HFM1: variants seen among roughly 807,000 people sequenced by gnomAD.
HFM1 encodes probable ATP-dependent DNA helicase HFM1.
Under a neutral mutation model 192.1 loss-of-function variants are expected in HFM1, and 169 were observed. The observed-to-expected ratio is 0.88, with a 90% confidence interval of 0.78 to 1.00. The LOEUF is 1.00. HFM1 is among the 50% of genes least tolerant of loss of function. The pLI is 0.00. For synonymous variants in HFM1, 525 were observed against 537.8 expected (o/e 0.98, Z 0.33); for missense variants, 1,661 against 1,668.0 (o/e 1.00, Z 0.07).
At chr1:91,289,084 A>C (rs1237320272) in intron 30 of HFM1, among the ~76,000 whole-genome samples, 1 of 150,528 alleles carries the variant, frequency 6.6e-6, no homozygotes, top group Admixed American at 6.6e-5. Context: ...TGCCGGGCGG[A>C]GACACTCCTC....
intron 25 of HFM1, 80 bp downstream of exon 25, chr1:91,318,998 T>C (rs1651667065): frequency 4.4e-6 from 6 of 1,369,926 alleles, no homozygotes; most frequent in Non-Finnish European, 6.0e-6. Context: ...TCTGTAATCA[T>C]CACAGAATAA....
At chr1:91,328,797 A>T in intron 20 of HFM1, 1 of 1,611,192 alleles carries the variant, frequency 6.2e-7, no homozygotes, top group African/African-American at 1.3e-5. Context: ...CAGCACAACG[A>T]TAAGTGCAAA....
intron 31 of HFM1, 29 bp from the exon 32 acceptor site, chr1:91,276,772 G>T: frequency 2.7e-6 from 3 of 1,096,196 alleles, no homozygotes; most frequent in South Asian, 1.6e-5. Flanking sequence ...GATTCTTTAG[G>T]TTAAACTTCA....
intron 36 of HFM1, among the ~76,000 whole-genome samples, chr1:91,263,243 T>A: frequency 6.6e-6 from 1 of 152,164 alleles, no homozygotes; most frequent in Non-Finnish European, 1.5e-5. Flanking sequence ...AGCCCATTTT[T>A]AAAAGATGAT....
chr1:91,359,011 C>T (rs1335297206), intron 13 of HFM1, among the ~76,000 whole-genome samples: 11 of 152,110 alleles, frequency 7.2e-5, no homozygotes, highest in African/African-American at 1.9e-4. Flanking sequence ...CAGCAAACTG[C>T]GGCAGCTCTA....
intron 18 of HFM1, among the ~76,000 whole-genome samples, chr1:91,347,682 C>A (rs1656322945): frequency 6.6e-6 from 1 of 152,092 alleles, no homozygotes; most frequent in African/African-American, 2.4e-5. Flanking sequence ...GAATAAATTT[C>A]CAAATGTTTT....
intron 36 of HFM1, 32 bp from the exon 37 acceptor site, chr1:91,262,624 C>T (rs753068942): frequency 2.3e-5 from 30 of 1,300,696 alleles, no homozygotes; most frequent in East Asian, 9.5e-5. Flanking sequence ...TTGTAAAATA[C>T]GGCAAACAAG....
At chr1:91,264,086 T>C (rs1665437168) in intron 36 of HFM1, among the ~76,000 whole-genome samples, 1 of 152,056 alleles carries the variant, frequency 6.6e-6, no homozygotes, top group Non-Finnish European at 1.5e-5. Flanking sequence ...TTTAAGCAAA[T>C]GTTTTAAAAA....
intron 6 of HFM1, among the ~76,000 whole-genome samples, chr1:91,382,274 G>C (rs1005001978): frequency 2.0e-5 from 3 of 151,914 alleles, no homozygotes; most frequent in Non-Finnish European, 4.4e-5. Context: ...AATTTAACCC[G>C]CTTACCCTGC....
At chr1:91,399,479 A>C (rs1276713220) in intron 2 of HFM1, among the ~76,000 whole-genome samples, 1 of 152,200 alleles carries the variant, frequency 6.6e-6, no homozygotes, top group Non-Finnish European at 1.5e-5. Context: ...CCCACAGTGA[A>C]TTATATCCAA....
rs199692136 is a variant in HFM1 at position 91,385,187 on chromosome 1, G to A, written c.802C>T (p.Pro268Ser). The A allele has an allele frequency of 5.1e-5, 78 of 1,527,810 alleles. No individual in the cohort carries two copies. In the African/African-American group the frequency reaches 8.5e-4, roughly 17 times the overall value. The allele number at this position is 1,527,810 out of a possible 1,614,324, so 94.6% of individuals were successfully genotyped here. A position where few individuals can be genotyped will look rare whatever the true frequency, so the allele number is the denominator to read the frequency against. Reference sequence around the variant, plus strand: ...CTATTGTAAATAACTTAAAGGATACGAATTTCTGTGACAGCCTTCAAGGAA... The same window carrying A: ...CTATTGTAAATAACTTAAAGGATACAAATTTCTGTGACAGCCTTCAAGGAA... ...LGSLKAVTEI[P>S]AKFRSIFKEF... Residue 268 changes from proline to serine, a missense_variant and splice_region_variant, in exon 6 of 39, where the codon CCG (proline) becomes TCG (serine). By Grantham distance (74) the Pro-to-Ser change is moderately conservative. Transcript: ENST00000370425.
chr1:91,400,590 T>A (rs1485637415), intron 2 of HFM1, among the ~76,000 whole-genome samples: 1 of 151,894 alleles, frequency 6.6e-6, no homozygotes, highest in East Asian at 1.9e-4. Context: ...CAAGCAATTC[T>A]CATGCCTCAG....
At chr1:91,347,736 A>C (rs2101691356) in intron 18 of HFM1, among the ~76,000 whole-genome samples, 1 of 152,316 alleles carries the variant, frequency 6.6e-6, no homozygotes, top group South Asian at 2.1e-4. Flanking sequence ...CTTCTAATGA[A>C]CTTTCATTAT....
At chr1:91,336,867 G>T (rs754343700) in intron 20 of HFM1, among the ~76,000 whole-genome samples, 1 of 152,140 alleles carries the variant, frequency 6.6e-6, no homozygotes. Flanking sequence ...TAAAGAAAAC[G>T]TGGTACACAT....
chr1:91,283,551 C>T (rs1365530469), intron 30 of HFM1, among the ~76,000 whole-genome samples: 1 of 152,158 alleles, frequency 6.6e-6, no homozygotes, highest in East Asian at 1.9e-4. Context: ...CTGTGCCCAG[C>T]CTAAGCTGCA....
intron 30 of HFM1, among the ~76,000 whole-genome samples, chr1:91,296,429 C>G (rs1647577958): frequency 6.6e-6 from 1 of 152,052 alleles, no homozygotes; most frequent in Admixed American, 6.6e-5. Context: ...TGTTTAATAA[C>G]AGGTCTTGAT....
At chr1:91,396,244 G>A in intron 3 of HFM1, 49 bp downstream of exon 3, 1 of 871,062 alleles carries the variant, frequency 1.1e-6, no homozygotes. Flanking sequence ...AAAAAATATT[G>A]CCATGAACTG....
chr1:91,379,292 T>C, intron 8 of HFM1, 78 bp from the exon 9 acceptor site: 1 of 1,195,872 alleles, frequency 8.4e-7, no homozygotes. Flanking sequence ...TTAATAAAGT[T>C]AGCATAAAAA....
chr1:91,273,676 A>T, intron 34 of HFM1, 36 bp downstream of exon 34: 1 of 1,060,088 alleles, frequency 9.4e-7, no homozygotes, highest in Non-Finnish European at 1.5e-6. Context: ...ATAATAAGCC[A>T]TTTACTCTCT....
Sources: gnomAD v4.1 joint callset for allele counts (sites outside exome capture counted in the v4.1 genomes callset) on GRCh38, gnomAD v4.1.1 for gene constraint, MANE v1.5 for transcripts, NCBI Gene and HGNC (gene_info 2026-07-23, HGNC 2026-07-21) for gene names.